The following PTPRT variants were observed in gnomAD, a reference collection of about 807,000 sequenced individuals.
The protein encoded by PTPRT is protein tyrosine phosphatase receptor type T.
A neutral mutation model predicts 176.8 loss-of-function variants in PTPRT; 56 were observed. The observed-to-expected ratio is 0.32, with a 90% CI of 0.26 to 0.40. The LOEUF is 0.40. PTPRT is among the 10% of genes least tolerant of loss of function. The pLI is 1.00. For synonymous variants in PTPRT, 783 were observed against 739.0 expected (o/e 1.06, Z -0.96); for missense variants, 1,540 against 1,908.2 (o/e 0.81, Z 3.60).
intron 6 of PTPRT, among the ~76,000 whole-genome samples, chr20:42,691,356 G>A (rs894874048): frequency 2.6e-5 from 4 of 152,232 alleles, no homozygotes; most frequent in Admixed American, 2.6e-4. Context: ...AAAGGCTTAC[G>A]CAGAAGGTGT....
At chr20:42,744,521 A>C (rs74395796) in intron 6 of PTPRT, among the ~76,000 whole-genome samples, 2,828 of 152,366 alleles carry the variant, frequency 0.019, 89 homozygotes, top group African/African-American at 0.06. Context: ...GAAAGTTTTC[A>C]TTCAAGACAT....
intron 1 of PTPRT, among the ~76,000 whole-genome samples, chr20:43,134,685 T>C (rs2013766115): frequency 6.6e-6 from 1 of 152,232 alleles, no homozygotes; most frequent in South Asian, 2.1e-4. Context: ...TTAACAAGTA[T>C]CACTGAATTT....
intron 1 of PTPRT, among the ~76,000 whole-genome samples, chr20:43,147,960 C>T (rs576447874): frequency 1.3e-5 from 2 of 152,286 alleles, no homozygotes; most frequent in East Asian, 3.9e-4. Context: ...GGTTAGAAAA[C>T]ATGAATAACT....
intron 1 of PTPRT, among the ~76,000 whole-genome samples, chr20:43,047,210 G>A (rs1055743136): frequency 1.6e-4 from 24 of 152,066 alleles, no homozygotes; most frequent in African/African-American, 3.1e-4. Context: ...ACAGTGCTGC[G>A]CTTGAGCTCA....
At chr20:42,479,000 G>T (rs2145320696) in intron 7 of PTPRT, among the ~76,000 whole-genome samples, 1 of 152,312 alleles carries the variant, frequency 6.6e-6, no homozygotes, top group African/African-American at 2.4e-5. Context: ...TAAGTAGAGG[G>T]TTGAATCAGG....
At chr20:42,921,348 C>G (rs998227424) in intron 1 of PTPRT, among the ~76,000 whole-genome samples, 25 of 152,128 alleles carry the variant, frequency 1.6e-4, no homozygotes, top group African/African-American at 5.8e-4. Context: ...AGTGAGATAC[C>G]TACAGAAAAT....
At chr20:42,103,031 G>T (rs1017085213) in intron 25 of PTPRT, among the ~76,000 whole-genome samples, 11 of 152,204 alleles carry the variant, frequency 7.2e-5, no homozygotes, top group Admixed American at 7.2e-4. Context: ...GCCTGCCTGG[G>T]ATATCTGCCC....
intron 6 of PTPRT, among the ~76,000 whole-genome samples, chr20:42,713,929 G>A (rs1024142982): frequency 6.6e-6 from 1 of 152,178 alleles, no homozygotes; most frequent in Non-Finnish European, 1.5e-5. Flanking sequence ...CCTAGCAGGT[G>A]ATAGCATTAC....
In PTPRT at chr20:42,942,250, G is replaced by A. The variant is rs112030744; in HGVS notation, c.89-56318C>T. On this transcript the variant is annotated intron_variant, in intron 1 of 30. Coordinates refer to ENST00000373187, the MANE Select transcript of PTPRT (RefSeq NM_007050.6). ...TGTTATGCCATGTCCATACTGGCTG[G>A]CTGGGTCAAGAGGAGGATGGGGCAC... is the stretch of plus-strand genomic sequence containing the variant. Among the ~76,000 whole-genome samples, 127 of 152,322 alleles carry A rather than the reference G, an allele frequency of 8.3e-4. 1 individual carries two copies. Among genetic ancestry groups the A allele is most frequent in the African/African-American group, 2.9e-3 (121 of 41,566 alleles).
intron 9 of PTPRT, among the ~76,000 whole-genome samples, chr20:42,420,671 C>T (rs1180070980): frequency 6.6e-6 from 1 of 152,158 alleles, no homozygotes; most frequent in Non-Finnish European, 1.5e-5. Flanking sequence ...ACAGCCCCCA[C>T]CTTTTGAGGG....
chr20:42,551,678 C>T (rs568351131), intron 7 of PTPRT, among the ~76,000 whole-genome samples: 25 of 152,282 alleles, frequency 1.6e-4, no homozygotes, highest in African/African-American at 1.7e-4. Flanking sequence ...TGTTGACTTA[C>T]GGTCTGCCCC....
At position 42,887,427 on chromosome 20, in the gene PTPRT, AG is replaced by A. The variant is rs141307696; in HGVS notation, c.89-1496del. Among the ~76,000 whole-genome samples the A allele has an allele frequency of 1.0e-3, 155 of 152,348 alleles. No individual in the cohort carries two copies. The East Asian group carries it at 0.026, about 25-fold the overall frequency. On this transcript the variant is annotated intron_variant, in intron 1 of 30. Coordinates refer to ENST00000373187, the MANE Select transcript of PTPRT (RefSeq NM_007050.6). ...CTCGATCTTATACTTCCTAGTCCCC[AG>A]GACTGTGAGAAATCAATTTCTGTTG...
chr20:42,575,725 G>T (rs1166705722), intron 7 of PTPRT, among the ~76,000 whole-genome samples: 1 of 152,074 alleles, frequency 6.6e-6, no homozygotes, highest in Non-Finnish European at 1.5e-5. Context: ...ATAGAAAACT[G>T]CTTGCCAACC....
rs139759423 is a variant in PTPRT, at chr20:42,086,569, C to T, written c.3847-716G>A. 6.1e-3 allele frequency among the ~76,000 whole-genome samples: 917 copies of T among 150,928 alleles called. 10 individuals carry two copies. The highest frequency in any genetic ancestry group is 0.021 in the African/African-American group (875 of 40,938). ...TTTCTTTTCACCACGCAAATCATCA[C>T]AAGCTCTTCCTCATTCCAGGAAAAC... is the stretch of plus-strand genomic sequence containing the variant. On this transcript the variant is annotated intron_variant, in intron 27 of 30. Coordinates refer to ENST00000373187, the MANE Select transcript of PTPRT (RefSeq NM_007050.6).
intron 28 of PTPRT, 151 bp downstream of exon 28, chr20:42,085,577 C>T (rs1213741067): frequency 2.0e-5 from 24 of 1,192,494 alleles, no homozygotes; most frequent in Admixed American, 7.2e-5. Context: ...AGTCTGGAGC[C>T]GGAATCAGCA....
At chr20:42,926,131 A>T (rs1203142935) in intron 1 of PTPRT, among the ~76,000 whole-genome samples, 4 of 152,204 alleles carry the variant, frequency 2.6e-5, no homozygotes, top group Admixed American at 1.3e-4. Flanking sequence ...TGACCTGCAG[A>T]GGGCCATATC....
intron 11 of PTPRT, 30 bp from the exon 12 acceptor site, chr20:42,316,026 T>G: frequency 1.2e-6 from 2 of 1,608,344 alleles, no homozygotes; most frequent in Non-Finnish European, 1.7e-6. Flanking sequence ...CACAGATGGT[T>G]GAGCAACTTT....
intron 16 of PTPRT, among the ~76,000 whole-genome samples, chr20:42,178,185 C>G (rs1393908793): frequency 6.6e-6 from 1 of 152,168 alleles, no homozygotes; most frequent in Non-Finnish European, 1.5e-5. Flanking sequence ...ATCCACCCAC[C>G]TCGGCCTCCC....
intron 7 of PTPRT, among the ~76,000 whole-genome samples, chr20:42,597,327 T>C (rs1033864977): frequency 1.4e-4 from 21 of 152,314 alleles, no homozygotes; most frequent in Middle Eastern, 3.4e-3. Context: ...CCCCTCACTT[T>C]TACCATATAT....
Sources: gnomAD v4.1 joint callset for allele counts (sites outside exome capture counted in the v4.1 genomes callset) on GRCh38, gnomAD v4.1.1 for gene constraint, MANE v1.5 for transcripts, NCBI Gene and HGNC (gene_info 2026-07-23, HGNC 2026-07-21) for gene names.